The following ABCA13 variants were observed in gnomAD, a reference collection of about 807,000 sequenced individuals.
ABCA13 encodes the protein ATP binding cassette subfamily A member 13, also known as ATP-binding cassette sub-family A member 13.
ABCA13 carries 476 observed loss-of-function variants against 478.7 expected under a neutral mutation model. The ratio of observed to expected loss-of-function variants is 0.99; its 90% CI spans 0.92 to 1.07. The LOEUF is 1.07. Among genes scored for constraint, ABCA13 ranks in the 50% least tolerant of loss-of-function variants. The pLI, the probability that ABCA13 is intolerant of heterozygous loss-of-function variation, is 0.00. For missense variants in ABCA13, 6,060 were observed against 5,910.6 expected (o/e 1.03, Z -0.83); for synonymous variants, 2,252 against 2,158.9 (o/e 1.04, Z -1.20).
chr7:48,293,593 GA>G (rs1251266401), intron 20 of ABCA13, among the ~76,000 whole-genome samples: 2 of 152,190 alleles, frequency 1.3e-5, no homozygotes, highest in Admixed American at 1.3e-4. Flanking sequence ...TGTGACTAGG[GA>G]AAGTGTATAG....
intron 27 of ABCA13, among the ~76,000 whole-genome samples, chr7:48,319,099 C>A (rs6943279): frequency 0.5 from 75,614 of 151,864 alleles, 19,151 homozygotes; most frequent in East Asian, 0.78. Context: ...GGGCAAAGCA[C>A]TTGGAAGGAT....
intron 44 of ABCA13, among the ~76,000 whole-genome samples, chr7:48,467,576 A>G (rs1226778203): frequency 3.3e-5 from 5 of 152,160 alleles, no homozygotes; most frequent in Non-Finnish European, 5.9e-5. Flanking sequence ...GCCTTTCTTT[A>G]TAAACACTTA....
In ABCA13 at chr7:48,520,188, T is replaced by A; in HGVS notation, c.13945T>A (p.Phe4649Ile). ...NFGIDSYVSP[F>I]EMNFLGWIFV... ...CGGCATTGATTCCTATGTGAGTCCC[T>A]TTGAGATGAACTTTCTGGGCTGGAT... The change falls in exon 53 of 62, where the codon TTT becomes ATT. Residue 4649 changes from phenylalanine (F) to isoleucine (I), a missense_variant. Phe to Ile is a conservative substitution (Grantham distance 21). Coordinates refer to ENST00000435803, the MANE Select transcript of ABCA13 (RefSeq NM_152701.5). The A allele has an allele frequency of 1.2e-6, 2 of 1,613,732 alleles. No homozygotes were observed. The highest frequency in any genetic ancestry group is 1.7e-6 in the Non-Finnish European group (2 of 1,179,788).
chr7:48,315,521 C>T (rs1802449901), intron 26 of ABCA13, among the ~76,000 whole-genome samples: 3 of 151,924 alleles, frequency 2.0e-5, no homozygotes, highest in South Asian at 4.2e-4. Context: ...GCCCTATCGC[C>T]CAGGCTGGAG....
At position 48,179,191 on chromosome 7, in the gene ABCA13, A is replaced by T. The variant is rs138093903; in HGVS notation, c.69+7639A>T. Among the ~76,000 whole-genome samples, 540 of 152,250 alleles carry T rather than the reference A, an allele frequency of 3.5e-3. 5 individuals are homozygous for T. Among genetic ancestry groups the T allele is most frequent in the African/African-American group, 0.012 (512 of 41,546 alleles). On this transcript the variant is annotated intron_variant, in intron 1 of 61. Transcript: ENST00000435803. ...AACAACAAACAACAACAAAACAGTC[A>T]CAGTAACAATAATGTGAGAGACCAG... is the stretch of plus-strand genomic sequence containing the variant.
intron 19 of ABCA13, among the ~76,000 whole-genome samples, chr7:48,282,704 T>C (rs906271356): frequency 1.3e-5 from 2 of 152,202 alleles, no homozygotes; most frequent in African/African-American, 4.8e-5. Flanking sequence ...TGTTATATTA[T>C]GATTTGTAGA....
At chr7:48,446,800 G>A (rs1317432169) in intron 42 of ABCA13, among the ~76,000 whole-genome samples, 1 of 152,198 alleles carries the variant, frequency 6.6e-6, no homozygotes, top group African/African-American at 2.4e-5. Context: ...GAAGCAAGGT[G>A]GGAAGGGACA....
intron 2 of ABCA13, among the ~76,000 whole-genome samples, chr7:48,193,980 A>G (rs1316892435): frequency 6.7e-6 from 1 of 149,598 alleles, no homozygotes; most frequent in African/African-American, 2.5e-5. Flanking sequence ...GATGGTGATG[A>G]TGATGGAGAT....
chr7:48,544,689 C>T (rs1289752804), intron 55 of ABCA13, among the ~76,000 whole-genome samples: 1 of 151,798 alleles, frequency 6.6e-6, no homozygotes, highest in Admixed American at 6.6e-5. Flanking sequence ...TTGTAATAAA[C>T]TGGTAAATGC....
At chr7:48,367,987 A>G (rs994507900) in intron 32 of ABCA13, 79 bp downstream of exon 32, 35 of 1,078,982 alleles carry the variant, frequency 3.2e-5, no homozygotes, top group Non-Finnish European at 4.7e-5. Flanking sequence ...TCCCATAACC[A>G]ACCTGAGCCT....
chr7:48,259,699 T>G (rs1456010307), intron 15 of ABCA13, among the ~76,000 whole-genome samples: 1 of 145,566 alleles, frequency 6.9e-6, no homozygotes, highest in African/African-American at 2.6e-5. Context: ...TTTGTAATGT[T>G]AATGATCTAT....
At chr7:48,256,698 C>T (rs1793440495) in intron 15 of ABCA13, among the ~76,000 whole-genome samples, 1 of 152,004 alleles carries the variant, frequency 6.6e-6, no homozygotes, top group African/African-American at 2.4e-5. Flanking sequence ...TTACCAGTAC[C>T]ATGTTGTTTT....
intron 47 of ABCA13, among the ~76,000 whole-genome samples, chr7:48,486,532 G>T (rs1229973843): frequency 6.6e-6 from 1 of 151,728 alleles, no homozygotes; most frequent in Non-Finnish European, 1.5e-5. Flanking sequence ...CTTCTCAATT[G>T]TCTCTTTGTC....
chr7:48,233,403 A>G (rs1481596112), intron 7 of ABCA13, among the ~76,000 whole-genome samples: 1 of 152,130 alleles, frequency 6.6e-6, no homozygotes, highest in Non-Finnish European at 1.5e-5. Flanking sequence ...ATTTTGTCAT[A>G]CCTTGGGGGT....
At chr7:48,527,779 A>T (rs1832978732) in intron 54 of ABCA13, among the ~76,000 whole-genome samples, 1 of 152,182 alleles carries the variant, frequency 6.6e-6, no homozygotes, top group Admixed American at 6.5e-5. Context: ...ACACACACAT[A>T]CACATACACA....
chr7:48,429,988 C>T lies in ABCA13; in HGVS notation c.12565+2117C>T, dbSNP rs189117051. 3.3e-3 allele frequency among the ~76,000 whole-genome samples: 498 copies of T among 152,150 alleles called. 2 individuals carry two copies. The highest frequency in any genetic ancestry group is 4.4e-3 in the Non-Finnish European group (300 of 68,020). ...TTGTATCTTTATAGCAGGTATTGGT[C>T]TGCAATTTTCTTTTCTTGCAGTGTC... On this transcript the variant is annotated intron_variant, in intron 42 of 61. Transcript: ENST00000435803.
rs138162530 is a variant in ABCA13 at position 48,428,650 on chromosome 7, C to T, written c.12565+779C>T. Among the ~76,000 whole-genome samples, 127 of 152,302 alleles carry T rather than the reference C, an allele frequency of 8.3e-4. No individual in the cohort carries two copies. In the East Asian group the frequency reaches 0.019, roughly 23 times the overall value. ...AGGAATTGCTATTGCTGTACTTCCT[C>T]TTCAGCTCTTAGTAGTATCAGATTT... On this transcript the variant is annotated intron_variant, in intron 42 of 61. Coordinates refer to ENST00000435803, the MANE Select transcript of ABCA13 (RefSeq NM_152701.5).
chr7:48,595,080 C>T (rs1228090097), intron 58 of ABCA13, among the ~76,000 whole-genome samples: 1 of 152,176 alleles, frequency 6.6e-6, no homozygotes, highest in Admixed American at 6.5e-5. Context: ...ATATTCTTGC[C>T]TCATCCATTG....
At chr7:48,491,197 C>T (rs150078582) in intron 48 of ABCA13, among the ~76,000 whole-genome samples, 5 of 152,112 alleles carry the variant, frequency 3.3e-5, no homozygotes, top group African/African-American at 4.8e-5. Context: ...TGAAAATGTG[C>T]GTAGGATTCA....
Sources: gnomAD v4.1 joint callset for allele counts (sites outside exome capture counted in the v4.1 genomes callset) on GRCh38, gnomAD v4.1.1 for gene constraint, MANE v1.5 for transcripts, NCBI Gene and HGNC (gene_info 2026-07-23, HGNC 2026-07-21) for gene names.